ARHGAP5: variants seen among roughly 807,000 people sequenced by gnomAD.
The protein encoded by ARHGAP5 is rho GTPase-activating protein 5.
In ARHGAP5, 23 loss-of-function variants were observed where a neutral mutation model predicts 116.6. The observed-to-expected ratio is 0.20, with a 90% CI of 0.14 to 0.28. The LOEUF (loss-of-function observed/expected upper bound fraction) is 0.28. Ranked by LOEUF, ARHGAP5 falls within the 10% of genes least tolerant of loss-of-function variation. The probability of loss-of-function intolerance (pLI) is 1.00; values close to 1 mark genes in which losing one functional copy is unlikely to be tolerated. For missense variants in ARHGAP5, 1,405 were observed against 1,774.8 expected (o/e 0.79, Z 3.74); for synonymous variants, 574 against 602.0 (o/e 0.95, Z 0.68).
At chr14:32,150,471 G>GA (rs1881588674) in intron 5 of ARHGAP5, among the ~76,000 whole-genome samples, 1 of 152,136 alleles carries the variant, frequency 6.6e-6, no homozygotes, top group Non-Finnish European at 1.5e-5. Context: ...CTAGAGGCTG[G>GA]TAAGTTCAGG....
rs1440868192 is a variant in ARHGAP5, at chr14:32,143,200, T to TTTGTTGTTG, written c.3866-3062_3866-3061insTGTTGTTGT. 2.4e-5 allele frequency among the ~76,000 whole-genome samples: 3 copies of TTTGTTGTTG among 125,396 alleles called. No individual in the cohort carries two copies. In the East Asian group the frequency reaches 7.5e-4, roughly 31 times the overall value. 82.3% of individuals were successfully genotyped at this position (125,396 alleles called of 152,430 possible). ...TACTCAATTAAAAGGCAACATTATT[T>TTTGTTGTTG]TAGTTGTTGTTGTTGTTGTTGTTGT... On this transcript the variant is annotated intron_variant, in intron 3 of 6. Transcript: ENST00000345122.
At chr14:32,137,214 T>A (rs1880848507) in intron 3 of ARHGAP5, among the ~76,000 whole-genome samples, 1 of 150,146 alleles carries the variant, frequency 6.7e-6, no homozygotes, top group Non-Finnish European at 1.5e-5. Flanking sequence ...TAGGGTTTGC[T>A]CTTACATTTA....
chr14:32,078,697 G>T (rs905258608), intron 1 of ARHGAP5, among the ~76,000 whole-genome samples: 1 of 152,102 alleles, frequency 6.6e-6, no homozygotes, highest in Non-Finnish European at 1.5e-5. Context: ...TCCGCATGAA[G>T]GATCTCGTTC....
chr14:32,145,644 G>T (rs115129029), intron 3 of ARHGAP5, among the ~76,000 whole-genome samples: 242 of 152,046 alleles, frequency 1.6e-3, no homozygotes, highest in African/African-American at 5.6e-3. Context: ...GTCATTAGCC[G>T]GTTTGCCTTC....
At chr14:32,090,247 C>A (rs1878176593) in intron 1 of ARHGAP5, among the ~76,000 whole-genome samples, 1 of 151,854 alleles carries the variant, frequency 6.6e-6, no homozygotes, top group Non-Finnish European at 1.5e-5. Flanking sequence ...GTAAAATGCA[C>A]ATTTGGTTTA....
At chr14:32,125,640 T>G (rs1880115612) in intron 3 of ARHGAP5, among the ~76,000 whole-genome samples, 1 of 152,248 alleles carries the variant, frequency 6.6e-6, no homozygotes, top group Non-Finnish European at 1.5e-5. Flanking sequence ...CCAACACTTG[T>G]ATGTGTTCTG....
intron 6 of ARHGAP5, 79 bp from the exon 7 acceptor site, chr14:32,154,542 T>C: frequency 8.4e-7 from 1 of 1,185,796 alleles, no homozygotes; most frequent in Non-Finnish European, 1.2e-6. Flanking sequence ...ACATTAAATC[T>C]GAGATCATTT....
At chr14:32,150,111 C>A in intron 5 of ARHGAP5, 78 bp downstream of exon 5, 1 of 1,200,082 alleles carries the variant, frequency 8.3e-7, no homozygotes, top group African/African-American at 1.6e-5. Context: ...TTAAAATCAT[C>A]ATGTACTAGA....
chr14:32,103,092 C>T (rs1878862271), intron 2 of ARHGAP5, among the ~76,000 whole-genome samples: 1 of 152,150 alleles, frequency 6.6e-6, no homozygotes, highest in Non-Finnish European at 1.5e-5. Flanking sequence ...GGGTAACTGG[C>T]TAAATTGATC....
chr14:32,136,295 C>G (rs955336500), intron 3 of ARHGAP5, among the ~76,000 whole-genome samples: 2 of 152,216 alleles, frequency 1.3e-5, no homozygotes, highest in Non-Finnish European at 2.9e-5. Context: ...GTTCACTCCT[C>G]TCACAGCCCT....
rs780489406 is a variant in ARHGAP5, at chr14:32,091,925, A to G, written c.1256A>G (p.Gln419Arg). ...GAAAAAGTCTATCAGAACCATGTAC[A>G]GCATCTGATATCCGAGAAGAGGAGG... ...EAEKVYQNHV[Q>R]HLISEKRRVE... The change falls in exon 2 of 7, where the codon CAG becomes CGG. Residue 419 changes from glutamine to arginine, a missense_variant. This residue lies in a region of ARHGAP5 where 944 missense variants were observed against 1,095.3 expected (regional missense o/e 0.86). Transcript: ENST00000345122. The G allele has an allele frequency of 5.0e-6, 8 of 1,613,742 alleles. No homozygotes were observed. Among genetic ancestry groups the G allele is most frequent in the Non-Finnish European group, 6.8e-6 (8 of 1,179,686 alleles).
At chr14:32,084,340 C>T (rs545908451) in intron 1 of ARHGAP5, among the ~76,000 whole-genome samples, 1 of 151,980 alleles carries the variant, frequency 6.6e-6, no homozygotes, top group African/African-American at 2.4e-5. Context: ...GTTTATATAC[C>T]CCTATTGTGT....
Position 32,091,727 on chromosome 14 carries a change from T to C in ARHGAP5, c.1058T>C (p.Leu353Pro). ...PRAFNTLLPN[L>P]EEIEHLNWSE... is the part of the protein sequence containing the mutation. The stretch of plus-strand genomic sequence containing the variant: ...GCTTTTAACACTCTTTTGCCAAATC[T>C]AGAAGAGATTGAACATTTGAATTGG... The change falls in exon 2 of 7, where the codon CTA (leucine) becomes CCA (proline). Residue 353 changes from leucine (L) to proline (P), a missense_variant. This residue lies in a region of ARHGAP5 where 944 missense variants were observed against 1,095.3 expected (regional missense o/e 0.86). Coordinates refer to ENST00000345122, the MANE Select transcript of ARHGAP5 (RefSeq NM_001030055.2). 6.2e-7 allele frequency: 1 copy of C among 1,613,014 alleles called. No homozygotes were observed. The highest frequency in any genetic ancestry group is 2.2e-5 in the East Asian group (1 of 44,854).
Position 32,092,032 on chromosome 14 carries a change from T to C in ARHGAP5, c.1363T>C (p.Cys455Arg). 2 of 1,613,734 alleles carry C rather than the reference T, an allele frequency of 1.2e-6. No individual in the cohort carries two copies. The highest frequency in any genetic ancestry group is 1.7e-6 in the Non-Finnish European group (2 of 1,179,744). Residue 455 changes from cysteine (C) to arginine (R), a missense_variant, in exon 2 of 7, where the codon TGC becomes CGC. By Grantham distance (180) the Cys-to-Arg change is radical. Transcript: ENST00000345122. This position sits in a 1 kb window ranked among gnomAD's most constrained non-coding sequence, Gnocchi z 4.1. ...AGGGCAGCCATGGGAGGAAGTTATGTGCTTTGTTATGGAGGATGAAGCCTA... is the reference window on the plus strand; with the variant it reads ...AGGGCAGCCATGGGAGGAAGTTATGCGCTTTGTTATGGAGGATGAAGCCTA... ...SPGQPWEEVM[C>R]FVMEDEAYKY...
chr14:32,152,584 CAT>C (rs1881693448), intron 6 of ARHGAP5, 56 bp downstream of exon 6: 5 of 918,674 alleles, frequency 5.4e-6, no homozygotes, highest in Admixed American at 2.8e-5. Context: ...ACATTTCAAA[CAT>C]GTAAATTTTA....
chr14:32,134,808 T>C (rs2139113521), intron 3 of ARHGAP5, among the ~76,000 whole-genome samples: 2 of 152,344 alleles, frequency 1.3e-5, no homozygotes, highest in Admixed American at 1.3e-4. Context: ...GTTTGAGTAA[T>C]TTATAGCCAT....
intron 1 of ARHGAP5, 147 bp from the exon 2 acceptor site, chr14:32,090,355 A>G (rs1385898664): frequency 2.5e-6 from 1 of 399,402 alleles, no homozygotes. Flanking sequence ...TTATAACAGT[A>G]AATCATAAAC....
At chr14:32,084,825 A>T (rs866021368) in intron 1 of ARHGAP5, among the ~76,000 whole-genome samples, 5 of 152,208 alleles carry the variant, frequency 3.3e-5, no homozygotes, top group Non-Finnish European at 7.3e-5. Flanking sequence ...TTGAGACCAC[A>T]ACATAGTGAG....
At chr14:32,089,795 T>C (rs2041866370) in intron 1 of ARHGAP5, among the ~76,000 whole-genome samples, 1 of 151,876 alleles carries the variant, frequency 6.6e-6, no homozygotes, top group African/African-American at 2.4e-5. Flanking sequence ...TAAATTTCGT[T>C]ATATTTTGCA....
Sources: gnomAD v4.1 joint callset for allele counts (sites outside exome capture counted in the v4.1 genomes callset) on GRCh38, gnomAD v4.1.1 for gene constraint, gnomAD v4.1.1 regional missense constraint, Gnocchi (gnomAD v3.1) non-coding constraint, MANE v1.5 for transcripts, NCBI Gene and HGNC (gene_info 2026-07-23, HGNC 2026-07-21) for gene names.